Variants in ZSWIM4 observed in about 807,000 individuals in gnomAD.
ZSWIM4 encodes the protein zinc finger SWIM-type containing 4, also known as zinc finger SWIM domain-containing protein 4.
A neutral mutation model predicts 102.5 loss-of-function variants in ZSWIM4; 62 were observed. The ratio of observed to expected loss-of-function variants is 0.60; its 90% CI spans 0.49 to 0.75. The LOEUF is 0.75. Among genes scored for constraint, ZSWIM4 ranks in the 30% least tolerant of loss-of-function variants. The pLI is 0.00. For missense variants in ZSWIM4, 1,280 were observed against 1,529.6 expected (o/e 0.84, Z 2.72); for synonymous variants, 652 against 674.5 (o/e 0.97, Z 0.52).
At chr19:13,806,694 C>CAGA (rs1299147646) in intron 3 of ZSWIM4, among the ~76,000 whole-genome samples, 1 of 149,826 alleles carries the variant, frequency 6.7e-6, no homozygotes, top group African/African-American at 2.5e-5. Context: ...AAGGGAAGGA[C>CAGA]AGAACTGGTG....
rs1974589620 is a variant in ZSWIM4 at position 13,795,671 on chromosome 19, G to A, written c.23G>A (p.Arg8Gln). 1.0e-6 allele frequency: 1 copy of A among 973,052 alleles called. No individual in the cohort carries two copies. The highest frequency in any genetic ancestry group is 1.3e-6 in the Non-Finnish European group (1 of 765,770). The allele number at this position is 973,052 out of a possible 1,614,324, so 60.3% of individuals were successfully genotyped here. The change falls in exon 1 of 14, where the codon CGG becomes CAG. Residue 8 changes from arginine to glutamine, a missense_variant. By Grantham distance (43) the Arg-to-Gln change is conservative. Transcript: ENST00000590508. MEPPAAK[R>Q]SRGCPAGPEE... is the part of the protein sequence containing the mutation. ...CGGATGGAACCCCCCGCGGCCAAGC[G>A]GAGCCGGGGCTGCCCCGCGGGACCC...
Position 13,813,061 on chromosome 19 carries a change from C to T in ZSWIM4, c.1077C>T (p.Leu359=), listed in dbSNP as rs1568335101. 6.2e-7 allele frequency: 1 copy of T among 1,613,930 alleles called. No individual in the cohort carries two copies. Among genetic ancestry groups the T allele is most frequent in the Non-Finnish European group, 8.5e-7 (1 of 1,179,978 alleles). The change falls in exon 6 of 14, where the codon CTC becomes CTT. Residue 359 remains leucine (L), a synonymous_variant. Transcript: ENST00000590508. ...HCKPEERAGW[L]QLLSRWDKLD... ...AACCAGAGGAAAGGGCAGGCTGGCT[C>T]CAGCTACTCAGCAGGTGGGACAAGC...
intron 3 of ZSWIM4, among the ~76,000 whole-genome samples, chr19:13,807,570 A>AAATG (rs376153393): frequency 1.4e-5 from 2 of 141,034 alleles, no homozygotes; most frequent in South Asian, 2.4e-4. Context: ...GTTTTGGGCA[A>AAATG]GATGGATGGA....
Position 13,808,831 on chromosome 19 carries a change from G to T in ZSWIM4, c.713-5G>T, listed in dbSNP as rs111385888. 5,462 of 1,585,864 alleles carry T rather than the reference G, an allele frequency of 3.4e-3. 159 individuals carry two copies. In the African/African-American group the frequency reaches 0.067, roughly 20 times the overall value. On this transcript the variant is annotated splice_polypyrimidine_tract_variant and splice_region_variant and intron_variant, in intron 3 of 13. Coordinates refer to ENST00000590508, the MANE Select transcript of ZSWIM4 (RefSeq NM_001367834.3). ...CCTCAGCTTCCTTTCCCTCCCTCCC[G>T]GCAGGTGCCCCAGACCCCACCGCCG...
chr19:13,805,992 T>C, intron 3 of ZSWIM4, among the ~76,000 whole-genome samples: 1 of 147,384 alleles, frequency 6.8e-6, no homozygotes. Flanking sequence ...AAAGCGTTCA[T>C]GATCAGTCAC....
intron 2 of ZSWIM4, among the ~76,000 whole-genome samples, chr19:13,803,901 AC>A (rs1974841690): frequency 6.8e-6 from 1 of 147,832 alleles, no homozygotes; most frequent in Non-Finnish European, 1.5e-5. Context: ...TCATTCTGTT[AC>A]CCAGGCTGGA....
At chr19:13,806,312 G>A (rs1220719800) in intron 3 of ZSWIM4, among the ~76,000 whole-genome samples, 2 of 151,666 alleles carry the variant, frequency 1.3e-5, no homozygotes. Flanking sequence ...CAAAGTCCTG[G>A]GATTACAGGT....
At chr19:13,800,006 G>A (rs978772260) in intron 2 of ZSWIM4, 85 bp downstream of exon 2, 3 of 1,399,488 alleles carry the variant, frequency 2.1e-6, no homozygotes, top group African/African-American at 2.8e-5. Context: ...GGAGGCCTGG[G>A]GCCAGGGGAT....
chr19:13,809,148 A>G lies in ZSWIM4; in HGVS notation c.940A>G (p.Thr314Ala). Reference protein sequence around the residue: ...ILMTEQFLQDTRLALWRQQGA... With the variant: ...ILMTEQFLQDARLALWRQQGA... Reference sequence around the variant, plus strand: ...CATGACCGAGCAGTTCCTGCAGGACACGCGCCTGGCCCTGTGGCGGCAGCA... The same window carrying G: ...CATGACCGAGCAGTTCCTGCAGGACGCGCGCCTGGCCCTGTGGCGGCAGCA... The change falls in exon 5 of 14, where the codon ACG becomes GCG. Residue 314 changes from threonine to alanine, a missense_variant. Coordinates refer to ENST00000590508, the MANE Select transcript of ZSWIM4 (RefSeq NM_001367834.3). This position sits in a 1 kb window ranked among gnomAD's most constrained non-coding sequence, Gnocchi z 4.2. 6.2e-7 allele frequency: 1 copy of G among 1,613,712 alleles called. No homozygotes were observed. The highest frequency in any genetic ancestry group is 8.5e-7 in the Non-Finnish European group (1 of 1,179,796).
At position 13,795,809 on chromosome 19, in the gene ZSWIM4, C is replaced by G. The variant is rs1974594994; in HGVS notation, c.153+8C>G. On this transcript the variant is annotated splice_region_variant and intron_variant, in intron 1 of 13. Coordinates refer to ENST00000590508, the MANE Select transcript of ZSWIM4 (RefSeq NM_001367834.3). The stretch of plus-strand genomic sequence containing the variant: ...AGCTGGGCCTTCGAGCAGGTGACCG[C>G]GGGGGAAGGGGGCGGGGGCAGGGAC... 1 of 1,247,086 alleles carries G rather than the reference C, an allele frequency of 8.0e-7. No individual in the cohort carries two copies. The highest frequency in any genetic ancestry group is 1.0e-6 in the Non-Finnish European group (1 of 994,204). 77.3% of individuals were successfully genotyped at this position (1,247,086 alleles called of 1,614,324 possible). A position where few individuals can be genotyped will look rare whatever the true frequency, so the allele number is the denominator to read the frequency against.
chr19:13,814,812 C>A lies in ZSWIM4; in HGVS notation c.1478C>A (p.Thr493Lys). ...ALRLASAIIN[T>K]LRLQQRHQLE... is the part of the protein sequence containing the mutation. ...CGGCTGGCAAGTGCCATCATCAACA[C>A]ACTCCGGCTGCAGCAGCGGCATCAG... is the stretch of plus-strand genomic sequence containing the variant. The change falls in exon 7 of 14, where the codon ACA becomes AAA. Residue 493 changes from threonine to lysine, a missense_variant. Coordinates refer to ENST00000590508, the MANE Select transcript of ZSWIM4 (RefSeq NM_001367834.3). 1 of 1,278,270 alleles carries A rather than the reference C, an allele frequency of 7.8e-7. No homozygotes were observed. Among genetic ancestry groups the A allele is most frequent in the Non-Finnish European group, 1.0e-6 (1 of 979,906 alleles). The allele number at this position is 1,278,270 out of a possible 1,614,324, so 79.2% of individuals were successfully genotyped here. A position where few individuals can be genotyped will look rare whatever the true frequency, so the allele number is the denominator to read the frequency against.
At chr19:13,813,604 A>G (rs1490315407) in intron 6 of ZSWIM4, among the ~76,000 whole-genome samples, 2 of 151,800 alleles carry the variant, frequency 1.3e-5, no homozygotes, top group Non-Finnish European at 2.9e-5. Context: ...AGAGAGATTG[A>G]GGAGAGAGGG....
intron 9 of ZSWIM4, among the ~76,000 whole-genome samples, chr19:13,818,484 T>G (rs923667236): frequency 9.2e-5 from 14 of 152,186 alleles, no homozygotes; most frequent in Non-Finnish European, 1.6e-4. Context: ...CAGCCCCACC[T>G]CCACCCTCTG....
At chr19:13,813,314 C>G in intron 6 of ZSWIM4, 150 bp downstream of exon 6, 5 of 696,298 alleles carry the variant, frequency 7.2e-6, no homozygotes, top group Non-Finnish European at 1.2e-5. Context: ...CAGGACTAAT[C>G]CCAACTTGTC....
intron 3 of ZSWIM4, 107 bp downstream of exon 3, chr19:13,805,255 C>CG (rs1356208657): frequency 1.8e-5 from 19 of 1,079,180 alleles, no homozygotes; most frequent in Non-Finnish European, 2.4e-5. Context: ...GTTGTGGGGG[C>CG]GGGGGGCGGA....
chr19:13,831,052 G>T lies in ZSWIM4; in HGVS notation c.*2G>T. 3 of 1,570,616 alleles carry T rather than the reference G, an allele frequency of 1.9e-6. No homozygotes were observed. The highest frequency in any genetic ancestry group is 1.2e-5 in the South Asian group (1 of 85,820). ...TTGGTGCGGGAGCGTTTTGGTTGAGGGACAGTGGGGTGCGTGGGAGTGGGG... is the reference window on the plus strand; with the variant it reads ...TTGGTGCGGGAGCGTTTTGGTTGAGTGACAGTGGGGTGCGTGGGAGTGGGG... On this transcript the variant is annotated 3_prime_UTR_variant, in exon 14 of 14. Transcript: ENST00000590508.
chr19:13,803,163 G>C (rs1330144726), intron 2 of ZSWIM4, among the ~76,000 whole-genome samples: 4 of 152,198 alleles, frequency 2.6e-5, no homozygotes, highest in Non-Finnish European at 5.9e-5. Flanking sequence ...CCTTTGCTGG[G>C]ACATGGCCCC....
intron 12 of ZSWIM4, among the ~76,000 whole-genome samples, chr19:13,827,429 C>T (rs1451128017): frequency 6.6e-6 from 1 of 151,412 alleles, no homozygotes; most frequent in Admixed American, 6.6e-5. Context: ...AGCAAAAACC[C>T]GTCTCTCCCA....
chr19:13,830,849 C>T lies in ZSWIM4; in HGVS notation c.3120C>T (p.Tyr1040=). The part of the protein sequence containing the change: ...CQLLDAAVTA[Y]ITTSHSRLTH... ...TCCTGGACGCGGCAGTCACCGCCTA[C>T]ATCACCACCAGCCACTCGCGCCTCA... The change falls in exon 14 of 14, where the codon TAC becomes TAT. Residue 1040 remains tyrosine, a synonymous_variant. Coordinates refer to ENST00000590508, the MANE Select transcript of ZSWIM4 (RefSeq NM_001367834.3). The T allele has an allele frequency of 5.0e-6, 8 of 1,613,054 alleles. No homozygotes were observed. Among genetic ancestry groups the T allele is most frequent in the Non-Finnish European group, 6.8e-6 (8 of 1,179,430 alleles).
Sources: allele counts gnomAD v4.1 joint callset (sites outside exome capture counted in the v4.1 genomes callset), GRCh38; gene constraint gnomAD v4.1.1; non-coding constraint Gnocchi (gnomAD v3.1); transcripts MANE v1.5; gene names NCBI Gene and HGNC (gene_info 2026-07-23, HGNC 2026-07-21).